Variants in SPOPL observed in about 807,000 individuals in gnomAD.
SPOPL encodes speckle-type POZ protein-like.
In SPOPL, 23 loss-of-function variants were observed where a neutral mutation model predicts 53.8. That is an observed-to-expected ratio of 0.43 (90% CI 0.31 to 0.61). The LOEUF (loss-of-function observed/expected upper bound fraction) is 0.61. SPOPL is among the 20% of genes least tolerant of loss of function. The pLI is 0.12. For missense variants in SPOPL, 442 were observed against 466.9 expected (o/e 0.95, Z 0.49); for synonymous variants, 164 against 149.7 (o/e 1.10, Z -0.70).
intron 1 of SPOPL, among the ~76,000 whole-genome samples, chr2:138,517,555 A>G (rs1054794696): frequency 3.3e-4 from 50 of 151,854 alleles, no homozygotes; most frequent in Admixed American, 6.6e-5. Flanking sequence ...CCTGGCTAAC[A>G]TGGTGAAACC....
At position 138,554,865 on chromosome 2, in the gene SPOPL, A is replaced by T. The variant is rs1685388363; in HGVS notation, c.480+2184A>T. Among the ~76,000 whole-genome samples the T allele has an allele frequency of 4.6e-5, 7 of 152,332 alleles. No individual in the cohort carries two copies. In the South Asian group the frequency reaches 1.4e-3, roughly 32 times the overall value. On this transcript the variant is annotated intron_variant, in intron 5 of 10. Transcript: ENST00000280098. ...GTTTAACTAGCTCCTTTTTAAGGACACATCTTTTTTCCCATCCTGTTTATC... is the reference window on the plus strand; with the variant it reads ...GTTTAACTAGCTCCTTTTTAAGGACTCATCTTTTTTCCCATCCTGTTTATC...
At chr2:138,559,523 A>C (rs1383971669) in intron 7 of SPOPL, among the ~76,000 whole-genome samples, 186 bp downstream of exon 7, 1 of 152,200 alleles carries the variant, frequency 6.6e-6, no homozygotes, top group Non-Finnish European at 1.5e-5. Context: ...ATGTGCAGTC[A>C]ATATTCCAGA....
At chr2:138,562,646 T>C (rs976154387) in intron 8 of SPOPL, among the ~76,000 whole-genome samples, 2 of 151,782 alleles carry the variant, frequency 1.3e-5, no homozygotes, top group African/African-American at 4.8e-5. Context: ...GAGCTGGGTA[T>C]GGTGGTGTGT....
At chr2:138,529,937 C>T (rs187719754) in intron 1 of SPOPL, among the ~76,000 whole-genome samples, 1 of 152,062 alleles carries the variant, frequency 6.6e-6, no homozygotes, top group Non-Finnish European at 1.5e-5. Flanking sequence ...AGCCTAGTAC[C>T]CATTAGTTCT....
intron 1 of SPOPL, among the ~76,000 whole-genome samples, chr2:138,549,576 G>T (rs1685270201): frequency 6.6e-6 from 1 of 152,070 alleles, no homozygotes; most frequent in Non-Finnish European, 1.5e-5. Flanking sequence ...GTACGTCTCG[G>T]CAAGAAGCAC....
chr2:138,530,097 T>A (rs1009339001), intron 1 of SPOPL, among the ~76,000 whole-genome samples: 2 of 152,200 alleles, frequency 1.3e-5, no homozygotes, highest in Admixed American at 1.3e-4. Context: ...CCTGTGTTAG[T>A]TTGCTAAAGA....
intron 1 of SPOPL, among the ~76,000 whole-genome samples, chr2:138,509,938 A>C (rs559793910): frequency 6.6e-6 from 1 of 152,192 alleles, no homozygotes; most frequent in African/African-American, 2.4e-5. Flanking sequence ...AACCCCTGAC[A>C]ACCATTGATC....
rs1272059966 is a variant in SPOPL at position 138,564,639 on chromosome 2, C to T, written c.838-69C>T. 2.6e-6 allele frequency: 4 copies of T among 1,537,452 alleles called. No homozygotes were observed. The African/African-American group carries it at 5.5e-5, about 21-fold the overall frequency. On this transcript the variant is annotated intron_variant, in intron 8 of 10. Coordinates refer to ENST00000280098, the MANE Select transcript of SPOPL (RefSeq NM_001001664.3). ...TATTTTACCCTTATTTTCCAAGTTG[C>T]AAATGTATCATGTATTCAGGAACTT... is the stretch of plus-strand genomic sequence containing the variant.
At chr2:138,560,752 T>G in intron 7 of SPOPL, 53 bp from the exon 8 acceptor site, 1 of 1,546,370 alleles carries the variant, frequency 6.5e-7, no homozygotes, top group Non-Finnish European at 8.7e-7. Context: ...CTTTGGTTCA[T>G]TTGTGTGTAC....
At chr2:138,543,963 C>T (rs1337552684) in intron 1 of SPOPL, among the ~76,000 whole-genome samples, 1 of 152,242 alleles carries the variant, frequency 6.6e-6, no homozygotes. Flanking sequence ...TCAGGACCCT[C>T]AGCTGCAGGT....
Position 138,559,148 on chromosome 2 carries a change from A to T in SPOPL, c.607A>T (p.Ser203Cys). Residue 203 changes from serine (S) to cysteine (C), a missense_variant, in exon 6 of 11, where the codon AGT becomes TGT. Ser to Cys is a moderately radical substitution (Grantham distance 112). Coordinates refer to ENST00000280098, the MANE Select transcript of SPOPL (RefSeq NM_001001664.3). ...LWENTRFTDC[S>C]FFVRGQEFKA... ...GGAAAACACAAGATTTACAGACTGCAGTTTTTTCGTGAGAGGACAAGAATT... is the reference window on the plus strand; with the variant it reads ...GGAAAACACAAGATTTACAGACTGCTGTTTTTTCGTGAGAGGACAAGAATT... 1 of 1,613,764 alleles carries T rather than the reference A, an allele frequency of 6.2e-7. No individual in the cohort carries two copies. Among genetic ancestry groups the T allele is most frequent in the Non-Finnish European group, 8.5e-7 (1 of 1,179,826 alleles).
intron 2 of SPOPL, 32 bp downstream of exon 2, chr2:138,550,326 T>C (rs767506572): frequency 6.2e-7 from 1 of 1,611,416 alleles, no homozygotes; most frequent in South Asian, 1.1e-5. Flanking sequence ...TCACTTTATG[T>C]CACTTATAAA....
Position 138,541,590 on chromosome 2 carries a change from C to T in SPOPL, c.-60-8567C>T, listed in dbSNP as rs1685072979. ...TTCTGTGGGATCGGTGGTGATATCC[C>T]CTTTATCATTTTTTATTGTGTCTAT... On this transcript the variant is annotated intron_variant, in intron 1 of 10. Transcript: ENST00000280098. 5.9e-5 allele frequency among the ~76,000 whole-genome samples: 9 copies of T among 152,042 alleles called. No homozygotes were observed. The South Asian group carries it at 1.9e-3, about 32-fold the overall frequency.
rs78698969 is a variant in SPOPL, at chr2:138,571,993, G to A, written c.*2913G>A. 4.1e-4 allele frequency: 62 copies of A among 152,560 alleles called. No individual in the cohort carries two copies. Among genetic ancestry groups the A allele is most frequent in the African/African-American group, 1.4e-3 (59 of 41,518 alleles). The allele number at this position is 152,560 out of a possible 1,614,324, so 9.5% of individuals were successfully genotyped here. ...AATTGGAGAACCTTGCATGAAATATGTGATCGTGTGTGTGTGTGTGTATGC... is the reference window on the plus strand; with the variant it reads ...AATTGGAGAACCTTGCATGAAATATATGATCGTGTGTGTGTGTGTGTATGC... On this transcript the variant is annotated 3_prime_UTR_variant, in exon 11 of 11. Transcript: ENST00000280098.
At chr2:138,532,868 A>G (rs1481965345) in intron 1 of SPOPL, among the ~76,000 whole-genome samples, 1 of 151,842 alleles carries the variant, frequency 6.6e-6, no homozygotes, top group Non-Finnish European at 1.5e-5. Context: ...CTTTAAACAT[A>G]CTTATTTTTA....
intron 1 of SPOPL, among the ~76,000 whole-genome samples, chr2:138,509,331 A>T (rs1205255354): frequency 6.6e-6 from 1 of 152,146 alleles, no homozygotes; most frequent in East Asian, 1.9e-4. Flanking sequence ...AAAAACAAAG[A>T]GGTGTTTTTA....
chr2:138,539,886 T>G (rs150059547), intron 1 of SPOPL, among the ~76,000 whole-genome samples: 1 of 151,868 alleles, frequency 6.6e-6, no homozygotes, highest in African/African-American at 2.4e-5. Context: ...GTTTTAGGTC[T>G]AATAAGTCTT....
At chr2:138,515,306 G>C (rs1419357100) in intron 1 of SPOPL, among the ~76,000 whole-genome samples, 1 of 152,182 alleles carries the variant, frequency 6.6e-6, no homozygotes, top group African/African-American at 2.4e-5. Flanking sequence ...CACAATGCTG[G>C]AATGCGCTTG....
intron 1 of SPOPL, among the ~76,000 whole-genome samples, chr2:138,542,491 G>A (rs1387118400): frequency 6.6e-6 from 1 of 152,062 alleles, no homozygotes; most frequent in East Asian, 1.9e-4. Flanking sequence ...ATTATGTAAT[G>A]GCCTTTTTTG....
Sources: allele counts gnomAD v4.1 joint callset (sites outside exome capture counted in the v4.1 genomes callset), GRCh38; gene constraint gnomAD v4.1.1; transcripts MANE v1.5; gene names NCBI Gene and HGNC (gene_info 2026-07-23, HGNC 2026-07-21).